Variants in TECRL observed in about 807,000 individuals in gnomAD.
The protein encoded by TECRL is trans-2,3-enoyl-CoA reductase like.
In TECRL, 63 loss-of-function variants were observed where a neutral mutation model predicts 52.8. That is an observed-to-expected ratio of 1.19 (90% CI 0.97 to 1.47). The LOEUF is 1.47. Ranked by LOEUF, TECRL falls within the 40% of genes most tolerant of loss-of-function variation. The pLI is 0.00. For missense variants in TECRL, 482 were observed against 429.6 expected (o/e 1.12, Z -1.08); for synonymous variants, 164 against 141.9 (o/e 1.16, Z -1.10).
intron 2 of TECRL, among the ~76,000 whole-genome samples, chr4:64,350,449 A>T (rs1436340583): frequency 1.3e-5 from 2 of 152,176 alleles, no homozygotes; most frequent in African/African-American, 4.8e-5. Context: ...CAATTCCCAA[A>T]TATTTGGTCA....
chr4:64,296,954 T>G (rs1477345439), intron 8 of TECRL, among the ~76,000 whole-genome samples: 1 of 151,530 alleles, frequency 6.6e-6, no homozygotes, highest in East Asian at 1.9e-4. Flanking sequence ...CCCGAACATA[T>G]CTGAGGATCA....
At chr4:64,348,700 A>G (rs73230405) in intron 2 of TECRL, among the ~76,000 whole-genome samples, 2,273 of 152,204 alleles carry the variant, frequency 0.015, 68 homozygotes, top group African/African-American at 0.051. Context: ...TGCTTCCACT[A>G]TCTTTCCCAA....
intron 8 of TECRL, among the ~76,000 whole-genome samples, chr4:64,295,420 T>C (rs1723624456): frequency 6.6e-6 from 1 of 151,500 alleles, no homozygotes; most frequent in Non-Finnish European, 1.5e-5. Flanking sequence ...ATTTTGGAAT[T>C]TGCTTAAGGC....
intron 1 of TECRL, among the ~76,000 whole-genome samples, chr4:64,394,882 G>T (rs1349595577): frequency 2.1e-5 from 3 of 142,632 alleles, no homozygotes; most frequent in Non-Finnish European, 3.1e-5. Context: ...TTTTCCTAAT[G>T]TTACAAGTCA....
At chr4:64,290,348 G>A (rs145260245) in intron 8 of TECRL, among the ~76,000 whole-genome samples, 6 of 152,040 alleles carry the variant, frequency 3.9e-5, no homozygotes, top group South Asian at 4.1e-4. Context: ...TACCACCATC[G>A]CCTGAGACTA....
intron 7 of TECRL, 60 bp downstream of exon 7, chr4:64,305,106 G>A: frequency 2.5e-6 from 3 of 1,222,520 alleles, no homozygotes; most frequent in Non-Finnish European, 3.5e-6. Context: ...ATGTCATTTA[G>A]AATAGAGTTT....
intron 1 of TECRL, among the ~76,000 whole-genome samples, chr4:64,387,709 G>C (rs543554547): frequency 1.3e-5 from 2 of 152,064 alleles, no homozygotes; most frequent in African/African-American, 4.8e-5. Flanking sequence ...TGAAGTGTCT[G>C]TTAAGTTCTT....
In TECRL at chr4:64,314,782, T is replaced by A. The variant is rs868502912; in HGVS notation, c.436-19A>T. The A allele has an allele frequency of 6.6e-7, 1 of 1,521,728 alleles. No individual in the cohort carries two copies. Among genetic ancestry groups the A allele is most frequent in the Middle Eastern group, 1.7e-4 (1 of 5,902 alleles). 94.3% of individuals were successfully genotyped at this position (1,521,728 alleles called of 1,614,324 possible). A position where few individuals can be genotyped will look rare whatever the true frequency, so the allele number is the denominator to read the frequency against. ...AAAACACCTGAAAATAAAACATGAT[T>A]TAGATTAAACGATAAAAATAGATGT... is the stretch of plus-strand genomic sequence containing the variant. On this transcript the variant is annotated intron_variant, in intron 4 of 11. Transcript: ENST00000381210.
rs980258269 is a variant in TECRL at position 64,392,426 on chromosome 4, C to G, written c.234+16692G>C. ...GCATATCCTCAAGAAATGCAAAACCCCTTCTAATCATGACATCGAGCTCAA... is the reference window on the plus strand; with the variant it reads ...GCATATCCTCAAGAAATGCAAAACCGCTTCTAATCATGACATCGAGCTCAA... On this transcript the variant is annotated intron_variant, in intron 1 of 11. Coordinates refer to ENST00000381210, the MANE Select transcript of TECRL (RefSeq NM_001010874.5). 2.0e-5 allele frequency among the ~76,000 whole-genome samples: 3 copies of G among 151,918 alleles called. No individual in the cohort carries two copies. In the South Asian group the frequency reaches 6.2e-4, roughly 31 times the overall value.
At chr4:64,373,827 T>C (rs1039969307) in intron 2 of TECRL, among the ~76,000 whole-genome samples, 13 of 145,462 alleles carry the variant, frequency 8.9e-5, no homozygotes, top group Admixed American at 2.1e-4. Flanking sequence ...GCAATTCAAT[T>C]ACTAGCTTAA....
At chr4:64,300,104 G>T (rs994452005) in intron 7 of TECRL, 87 bp from the exon 8 acceptor site, 19 of 976,818 alleles carry the variant, frequency 1.9e-5, no homozygotes, top group African/African-American at 3.3e-5. Context: ...GTATTTATTG[G>T]GTATAAATTC....
chr4:64,391,365 T>C (rs1327253621), intron 1 of TECRL, among the ~76,000 whole-genome samples: 2 of 151,824 alleles, frequency 1.3e-5, no homozygotes, highest in Non-Finnish European at 2.9e-5. Flanking sequence ...CAACTTGTTT[T>C]CACAGCTGCA....
At chr4:64,349,043 A>G (rs1206792131) in intron 2 of TECRL, among the ~76,000 whole-genome samples, 4 of 141,394 alleles carry the variant, frequency 2.8e-5, no homozygotes, top group African/African-American at 2.6e-5. Flanking sequence ...TAATTCCTTT[A>G]CTAGAGGCTT....
intron 1 of TECRL, among the ~76,000 whole-genome samples, chr4:64,388,105 ACC>A (rs1002765017): frequency 3.3e-5 from 5 of 151,266 alleles, no homozygotes; most frequent in Non-Finnish European, 7.4e-5. Flanking sequence ...TTGTTGTTAT[ACC>A]ATAAGAGTTC....
At chr4:64,394,791 G>A (rs2109758234) in intron 1 of TECRL, among the ~76,000 whole-genome samples, 1 of 151,548 alleles carries the variant, frequency 6.6e-6, no homozygotes, top group East Asian at 2.0e-4. Flanking sequence ...ATAAACATTT[G>A]ATCATCAAAA....
At chr4:64,340,512 C>T (rs977487221) in intron 2 of TECRL, among the ~76,000 whole-genome samples, 2 of 152,226 alleles carry the variant, frequency 1.3e-5, no homozygotes, top group Admixed American at 6.5e-5. Flanking sequence ...TTTGTGCACA[C>T]TTGGAGCAGT....
chr4:64,356,086 G>C (rs933858005), intron 2 of TECRL, among the ~76,000 whole-genome samples: 6 of 152,106 alleles, frequency 3.9e-5, no homozygotes, highest in African/African-American at 7.2e-5. Context: ...GATGTGCCTT[G>C]TTAACAAAAT....
chr4:64,322,920 A>G, intron 3 of TECRL, 128 bp from the exon 4 acceptor site: 1 of 687,656 alleles, frequency 1.5e-6, no homozygotes, highest in South Asian at 2.5e-5. Flanking sequence ...TGTACAAGAA[A>G]TCTTCAAAGT....
At chr4:64,317,276 C>T (rs1717567564) in intron 4 of TECRL, among the ~76,000 whole-genome samples, 1 of 150,930 alleles carries the variant, frequency 6.6e-6, no homozygotes, top group Admixed American at 6.6e-5. Flanking sequence ...GAGACTCCGT[C>T]TCCAAAAAAA....
Sources: allele counts gnomAD v4.1 joint callset (sites outside exome capture counted in the v4.1 genomes callset), GRCh38; gene constraint gnomAD v4.1.1; transcripts MANE v1.5; gene names NCBI Gene and HGNC (gene_info 2026-07-23, HGNC 2026-07-21).